Variants in SDK1 observed in about 807,000 individuals in gnomAD.
SDK1 encodes protein sidekick-1.
Under a neutral mutation model 245.5 loss-of-function variants are expected in SDK1, and 157 were observed. The ratio of observed to expected loss-of-function variants is 0.64; its 90% confidence interval spans 0.56 to 0.73. The LOEUF (loss-of-function observed/expected upper bound fraction) is 0.73. Ranked by LOEUF, SDK1 falls within the 30% of genes least tolerant of loss-of-function variation. The pLI, the probability that SDK1 is intolerant of heterozygous loss-of-function variation, is 0.00. For synonymous variants in SDK1, 1,647 were observed against 1,278.5 expected (o/e 1.29, Z -6.15); for missense variants, 3,583 against 3,002.3 (o/e 1.19, Z -4.52).
At chr7:4,237,411 A>G (rs1177217834) in intron 41 of SDK1, among the ~76,000 whole-genome samples, 1 of 152,018 alleles carries the variant, frequency 6.6e-6, no homozygotes, top group Non-Finnish European at 1.5e-5. Context: ...GCCTGATCCC[A>G]CAGAAAAGGT....
chr7:3,690,674 G>A (rs1784416805), intron 4 of SDK1, among the ~76,000 whole-genome samples: 1 of 152,072 alleles, frequency 6.6e-6, no homozygotes, highest in South Asian at 2.1e-4. Flanking sequence ...AAGAAAGCAG[G>A]TCTTCTTTTG....
At chr7:4,085,393 A>C (rs1781364049) in intron 22 of SDK1, among the ~76,000 whole-genome samples, 1 of 152,208 alleles carries the variant, frequency 6.6e-6, no homozygotes, top group African/African-American at 2.4e-5. Flanking sequence ...TTTAGTTTAT[A>C]CTTACAGTAT....
At chr7:3,775,860 GC>G (rs1780542811) in intron 4 of SDK1, among the ~76,000 whole-genome samples, 2 of 152,192 alleles carry the variant, frequency 1.3e-5, no homozygotes, top group Admixed American at 6.5e-5. Context: ...ACAGGCGTGA[GC>G]CACCGCGCCC....
chr7:4,040,469 C>T (rs973296140), intron 17 of SDK1, among the ~76,000 whole-genome samples: 4 of 151,976 alleles, frequency 2.6e-5, no homozygotes, highest in South Asian at 2.1e-4. Flanking sequence ...CTCACGCTGA[C>T]GAAATCAAGG....
intron 17 of SDK1, among the ~76,000 whole-genome samples, chr7:4,040,851 G>T (rs986214922): frequency 6.6e-6 from 1 of 152,210 alleles, no homozygotes; most frequent in Non-Finnish European, 1.5e-5. Context: ...GAGCCTCCAT[G>T]TTGAATGTGT....
chr7:3,340,946 C>T (rs957534700), intron 1 of SDK1, among the ~76,000 whole-genome samples: 5 of 152,058 alleles, frequency 3.3e-5, no homozygotes, highest in African/African-American at 1.2e-4. Flanking sequence ...GAAGAATTAA[C>T]ACCACTTTTA....
intron 44 of SDK1, among the ~76,000 whole-genome samples, chr7:4,252,833 C>A (rs917177370): frequency 4.3e-5 from 6 of 140,838 alleles, no homozygotes; most frequent in African/African-American, 1.7e-4. Flanking sequence ...TTCCCCCCCC[C>A]TCTTTTTTTT....
At chr7:3,344,663 C>G (rs1780446244) in intron 1 of SDK1, among the ~76,000 whole-genome samples, 1 of 152,182 alleles carries the variant, frequency 6.6e-6, no homozygotes. Flanking sequence ...TCGTGTTCTT[C>G]TTCGTTGTTG....
intron 1 of SDK1, among the ~76,000 whole-genome samples, chr7:3,358,936 T>C (rs921786432): frequency 8.5e-5 from 13 of 152,148 alleles, no homozygotes; most frequent in Admixed American, 8.5e-4. Flanking sequence ...GTTTAGAACA[T>C]TGGTGCAGTT....
chr7:4,228,013 C>G (rs1014810885), intron 40 of SDK1, among the ~76,000 whole-genome samples: 3 of 152,206 alleles, frequency 2.0e-5, no homozygotes, highest in Non-Finnish European at 2.9e-5. Flanking sequence ...ATATTAGCCA[C>G]TTACTTCCCT....
chr7:3,346,833 T>A (rs1396155426), intron 1 of SDK1, among the ~76,000 whole-genome samples: 336 of 108,626 alleles, frequency 3.1e-3, no homozygotes, highest in African/African-American at 0.013. Context: ...ATATATTTTT[T>A]TTTTTTTTTT....
Position 4,145,793 on chromosome 7 carries a change from G to C in SDK1, c.4300G>C (p.Val1434Leu), listed in dbSNP as rs760490459. 9.3e-6 allele frequency: 15 copies of C among 1,613,886 alleles called. No individual in the cohort carries two copies. Among genetic ancestry groups the C allele is most frequent in the Non-Finnish European group, 1.2e-5 (14 of 1,179,936 alleles). ...CACCACCGTGGAGGTCGGCGCCACA[G>C]TGAGGCAGTTCACAGCCACCGACCT... ...TFTTVEVGAT[V>L]RQFTATDLAP... is the part of the protein sequence containing the mutation. The change falls in exon 29 of 45, where the codon GTG becomes CTG. Residue 1434 changes from valine (V) to leucine (L), a missense_variant. Physicochemically the swap from Val to Leu is conservative, Grantham distance 32. Transcript: ENST00000404826.
intron 4 of SDK1, among the ~76,000 whole-genome samples, chr7:3,690,684 G>C (rs545976529): frequency 2.0e-5 from 3 of 152,234 alleles, no homozygotes; most frequent in African/African-American, 4.8e-5. Flanking sequence ...GTCTTCTTTT[G>C]TAAGATTCCA....
In SDK1 at chr7:3,989,626, C is replaced by T. The variant is rs758446196; in HGVS notation, c.2131+2304C>T. On this transcript the variant is annotated intron_variant, in intron 14 of 44. Transcript: ENST00000404826. ...AGGACACCTAGGAGTGGTGCACTCTCGGGTACCCTCCCCTGAAACCCAGCT... is the reference window on the plus strand; with the variant it reads ...AGGACACCTAGGAGTGGTGCACTCTTGGGTACCCTCCCCTGAAACCCAGCT... 2.6e-5 allele frequency among the ~76,000 whole-genome samples: 4 copies of T among 152,156 alleles called. No homozygotes were observed. The East Asian group carries it at 5.8e-4, about 22-fold the overall frequency.
At chr7:4,028,175 G>C (rs921790553) in intron 17 of SDK1, among the ~76,000 whole-genome samples, 1 of 152,128 alleles carries the variant, frequency 6.6e-6, no homozygotes, top group African/African-American at 2.4e-5. Context: ...CAGACCCACT[G>C]AATCAGAAAC....
At chr7:3,419,940 G>T (rs998104900) in intron 1 of SDK1, among the ~76,000 whole-genome samples, 3 of 152,192 alleles carry the variant, frequency 2.0e-5, no homozygotes, top group African/African-American at 7.2e-5. Context: ...AAAGCCGTTA[G>T]AGATGTACCA....
In SDK1 at chr7:3,302,027, G is replaced by C. The variant is rs533380577; in HGVS notation, c.298+143G>C. 196 of 520,750 alleles carry C rather than the reference G, an allele frequency of 3.8e-4. 1 individual carries two copies. Among genetic ancestry groups the C allele is most frequent in the African/African-American group, 3.7e-3 (181 of 48,794 alleles). The allele number at this position is 520,750 out of a possible 1,614,324, so 32.3% of individuals were successfully genotyped here. A position where few individuals can be genotyped will look rare whatever the true frequency, so the allele number is the denominator to read the frequency against. ...TTGCTGGGGGCTCTAGGGAGCCCAG[G>C]GGCTCCTCCACGCCAGACTCGGAGG... On this transcript the variant is annotated intron_variant, in intron 1 of 44. Coordinates refer to ENST00000404826, the MANE Select transcript of SDK1 (RefSeq NM_152744.4).
At position 3,420,242 on chromosome 7, in the gene SDK1, A is replaced by G. The variant is rs369703053; in HGVS notation, c.298+118358A>G. On this transcript the variant is annotated intron_variant, in intron 1 of 44. Coordinates refer to ENST00000404826, the MANE Select transcript of SDK1 (RefSeq NM_152744.4). ...TATTAGCATTGGAACTTTCCCATTTATTTTTGGCTTGGTGAATTTGAAAGT... is the reference window on the plus strand; with the variant it reads ...TATTAGCATTGGAACTTTCCCATTTGTTTTTGGCTTGGTGAATTTGAAAGT... 9.8e-5 allele frequency among the ~76,000 whole-genome samples: 15 copies of G among 152,342 alleles called. No individual in the cohort carries two copies. In the East Asian group the frequency reaches 2.3e-3, roughly 23 times the overall value.
chr7:3,891,978 A>G (rs1282833154), intron 5 of SDK1, among the ~76,000 whole-genome samples: 1 of 152,120 alleles, frequency 6.6e-6, no homozygotes, highest in African/African-American at 2.4e-5. Context: ...CACAGGCAAG[A>G]TTCTGTTTTG....
Sources: gnomAD v4.1 joint callset for allele counts (sites outside exome capture counted in the v4.1 genomes callset) on GRCh38, gnomAD v4.1.1 for gene constraint, MANE v1.5 for transcripts, NCBI Gene and HGNC (gene_info 2026-07-23, HGNC 2026-07-21) for gene names.